Variants in DHX40 observed in about 807,000 individuals in gnomAD.
DHX40 encodes the protein probable ATP-dependent RNA helicase DHX40.
A neutral mutation model predicts 89.6 loss-of-function variants in DHX40; 28 were observed. The ratio of observed to expected loss-of-function variants is 0.31; its 90% CI spans 0.23 to 0.43. DHX40 has a LOEUF of 0.43. Among genes scored for constraint, DHX40 ranks in the 20% least tolerant of loss-of-function variants. The pLI is 1.00. For synonymous variants in DHX40, 226 were observed against 283.6 expected, an observed-to-expected ratio of 0.80 and a Z score of 2.04; for missense variants, 457 against 844.0, an observed-to-expected ratio of 0.54 and a Z score of 5.68.
At chr17:59,565,896 C>A (rs2048697790) in intron 1 of DHX40, 113 bp downstream of exon 1, 2 of 913,688 alleles carry the variant, frequency 2.2e-6, no homozygotes, top group Admixed American at 3.4e-5. Context: ...GAAGCCGTGG[C>A]GTTCTCCTGG....
chr17:59,596,843 C>G (rs1396765596), intron 12 of DHX40, among the ~76,000 whole-genome samples: 1 of 152,176 alleles, frequency 6.6e-6, no homozygotes, highest in African/African-American at 2.4e-5. Context: ...GGAACTGCTG[C>G]TTTGCAGATT....
Position 59,607,394 on chromosome 17 carries a change from A to G in DHX40, c.*222A>G. 1 of 785,650 alleles carries G rather than the reference A, an allele frequency of 1.3e-6. No individual in the cohort carries two copies. Among genetic ancestry groups the G allele is most frequent in the African/African-American group, 1.7e-5 (1 of 57,432 alleles). 48.7% of individuals were successfully genotyped at this position (785,650 alleles called of 1,614,324 possible). A position where few individuals can be genotyped will look rare whatever the true frequency, so the allele number is the denominator to read the frequency against. On this transcript the variant is annotated 3_prime_UTR_variant, in exon 18 of 18. Coordinates refer to ENST00000251241, the MANE Select transcript of DHX40 (RefSeq NM_024612.5). ...TTGCCATAGTCATAAGCAATGATAC[A>G]TGAAACCAATGAAAGACAGTACATG...
At chr17:59,577,445 T>C (rs2048900915) in intron 8 of DHX40, 80 bp downstream of exon 8, 1 of 1,089,224 alleles carries the variant, frequency 9.2e-7, no homozygotes, top group Admixed American at 1.9e-5. Flanking sequence ...GAGTTTGCTT[T>C]TCTGTGCCCT....
intron 17 of DHX40, among the ~76,000 whole-genome samples, chr17:59,606,588 T>C (rs2030865941): frequency 6.6e-6 from 1 of 151,702 alleles, no homozygotes; most frequent in Admixed American, 6.6e-5. Context: ...CTACTAAATA[T>C]ACAAAAAACT....
In DHX40 at chr17:59,605,469, T is replaced by C; in HGVS notation, c.1995T>C (p.Leu665=). ...SSALHEQETK[L]EWIIFHEVLV... ...AGCTTCATGAACAGGAAACCAAACTTGAATGGATCATTTTTCATGAGGTAT... is the reference window on the plus strand; with the variant it reads ...AGCTTCATGAACAGGAAACCAAACTCGAATGGATCATTTTTCATGAGGTAT... Residue 665 remains leucine, a synonymous_variant, in exon 17 of 18, where the codon CTT becomes CTC. Transcript: ENST00000251241. 2 of 1,613,276 alleles carry C rather than the reference T, an allele frequency of 1.2e-6. No homozygotes were observed. Among genetic ancestry groups the C allele is most frequent in the Non-Finnish European group, 1.7e-6 (2 of 1,179,200 alleles).
At chr17:59,567,042 T>C (rs2048716058) in intron 2 of DHX40, among the ~76,000 whole-genome samples, 2 of 152,320 alleles carry the variant, frequency 1.3e-5, no homozygotes, top group South Asian at 2.1e-4. Context: ...CATCTAGATA[T>C]TCCATTTTAT....
chr17:59,595,101 G>A (rs1035371419), intron 12 of DHX40, among the ~76,000 whole-genome samples: 1 of 137,500 alleles, frequency 7.3e-6, no homozygotes, highest in African/African-American at 2.7e-5. Context: ...TTTTTTTTTT[G>A]AGACAGAATT....
chr17:59,590,819 C>T (rs2049071732), intron 12 of DHX40, among the ~76,000 whole-genome samples: 2 of 151,766 alleles, frequency 1.3e-5, no homozygotes, highest in South Asian at 2.1e-4. Flanking sequence ...CCCCTAATTG[C>T]AATTTTTTGT....
intron 3 of DHX40, among the ~76,000 whole-genome samples, chr17:59,572,336 T>A (rs187619412): frequency 6.6e-6 from 1 of 152,294 alleles, no homozygotes; most frequent in East Asian, 1.9e-4. Context: ...CTGTTATTCC[T>A]ACCCTTTGGA....
Position 59,603,703 on chromosome 17 carries a change from TA to T in DHX40, c.1901+1091del, listed in dbSNP as rs1259722470. The T allele has an allele frequency of 2.0e-5, 3 of 152,316 alleles. No homozygotes were observed. In the East Asian group the frequency reaches 5.8e-4, roughly 29 times the overall value. The allele number at this position is 152,316 out of a possible 1,614,324, so 9.4% of individuals were successfully genotyped here. A position where few individuals can be genotyped will look rare whatever the true frequency, so the allele number is the denominator to read the frequency against. ...GGAATTGTTTACAAGCACCTCTCCATAAAATTTTTGTTAATTACAAAAGCAA... is the reference window on the plus strand; with the variant it reads ...GGAATTGTTTACAAGCACCTCTCCATAAATTTTTGTTAATTACAAAAGCAA... On this transcript the variant is annotated intron_variant, in intron 15 of 17. Transcript: ENST00000251241.
chr17:59,572,575 T>C (rs2048825601), intron 3 of DHX40, among the ~76,000 whole-genome samples: 1 of 152,124 alleles, frequency 6.6e-6, no homozygotes, highest in Non-Finnish European at 1.5e-5. Flanking sequence ...GATGTGGTTT[T>C]GCTATGTTGT....
At chr17:59,600,920 A>G (rs58210686) in intron 14 of DHX40, among the ~76,000 whole-genome samples, 14,494 of 149,116 alleles carry the variant, frequency 0.097, 1,362 homozygotes, top group East Asian at 0.47. Context: ...AACATTTACA[A>G]TGTTGTGCAG....
Position 59,590,484 on chromosome 17 carries a change from T to C in DHX40, c.1582+2431T>C, listed in dbSNP as rs548860263. 5.9e-5 allele frequency among the ~76,000 whole-genome samples: 9 copies of C among 151,806 alleles called. No homozygotes were observed. The South Asian group carries it at 1.7e-3, about 28-fold the overall frequency. On this transcript the variant is annotated intron_variant, in intron 12 of 17. Coordinates refer to ENST00000251241, the MANE Select transcript of DHX40 (RefSeq NM_024612.5). ...TAATTTAAAAAATTTTTAAATTTTA[T>C]TGAGACAAGGTCTCACTGTGTTGCC...
Position 59,566,645 on chromosome 17 carries a change from C to G in DHX40, c.131C>G (p.Ser44Cys). Residue 44 changes from serine to cysteine, a missense_variant, in exon 2 of 18, where the codon TCC becomes TGC. By Grantham distance (112) the Ser-to-Cys change is moderately radical (BLOSUM62 -1). This residue lies in a region of DHX40 where 75 missense variants were observed against 76.8 expected (regional missense o/e 0.98). Transcript: ENST00000251241. ...IADREEKGCT[S>C]QEGGTTPTFP... ...ATTACAGAAGAGAAAGGATGCACGT[C>G]CCAGGAGGGAGGAACTACTCCAACT... 1 of 1,599,202 alleles carries G rather than the reference C, an allele frequency of 6.3e-7. No individual in the cohort carries two copies. The highest frequency in any genetic ancestry group is 8.5e-7 in the Non-Finnish European group (1 of 1,176,104).
In DHX40 at chr17:59,586,073, A is replaced by G. The variant is rs544116090; in HGVS notation, c.1344-80A>G. 2.3e-5 allele frequency: 22 copies of G among 976,738 alleles called. No homozygotes were observed. In the East Asian group the frequency reaches 5.8e-4, roughly 26 times the overall value. 60.5% of individuals were successfully genotyped at this position (976,738 alleles called of 1,614,324 possible). ...GAAAAATAGAAATAAAACCTTTTAA[A>G]GAAATTTTCGTCATGTCTATATAAA... On this transcript the variant is annotated intron_variant, in intron 10 of 17. Coordinates refer to ENST00000251241, the MANE Select transcript of DHX40 (RefSeq NM_024612.5).
At chr17:59,605,367 A>T in intron 16 of DHX40, 79 bp from the exon 17 acceptor site, 1 of 1,435,916 alleles carries the variant, frequency 7.0e-7, no homozygotes. Flanking sequence ...ATTGAGAAGG[A>T]TTTGGACTAT....
In DHX40 at chr17:59,573,111, A is replaced by G; in HGVS notation, c.427-5A>G. 1.2e-6 allele frequency: 2 copies of G among 1,604,944 alleles called. No homozygotes were observed. The highest frequency in any genetic ancestry group is 1.7e-6 in the Non-Finnish European group (2 of 1,177,548). ...ATTCCTGTGACACTGCTGTTTGAAC[A>G]TTAGGAGACAGCAATCAAATATATG... On this transcript the variant is annotated splice_polypyrimidine_tract_variant and splice_region_variant and intron_variant, in intron 3 of 17. Coordinates refer to ENST00000251241, the MANE Select transcript of DHX40 (RefSeq NM_024612.5).
chr17:59,575,877 A>G (rs1362557752), intron 7 of DHX40, among the ~76,000 whole-genome samples: 1 of 149,038 alleles, frequency 6.7e-6, no homozygotes, highest in Non-Finnish European at 1.5e-5. Flanking sequence ...ATCTAAGTCT[A>G]AACACAGTGG....
At chr17:59,568,550 A>G (rs1195675006) in intron 2 of DHX40, among the ~76,000 whole-genome samples, 3 of 152,180 alleles carry the variant, frequency 2.0e-5, no homozygotes, top group Admixed American at 6.6e-5. Context: ...CATACTTTTG[A>G]TAAAGTTTAG....
Sources: allele counts gnomAD v4.1 joint callset (sites outside exome capture counted in the v4.1 genomes callset), GRCh38; gene constraint gnomAD v4.1.1; regional missense constraint gnomAD v4.1.1; transcripts MANE v1.5; gene names NCBI Gene and HGNC (gene_info 2026-07-23, HGNC 2026-07-21).